The following ARMC2 variants were observed in gnomAD, a reference collection of about 807,000 sequenced individuals.
ARMC2 encodes armadillo repeat-containing protein 2.
A neutral mutation model predicts 90.3 loss-of-function variants in ARMC2; 67 were observed. The observed-to-expected ratio is 0.74, with a 90% CI of 0.61 to 0.91. The LOEUF (loss-of-function observed/expected upper bound fraction) is 0.91. Ranked by LOEUF, ARMC2 falls within the 40% of genes least tolerant of loss-of-function variation. ARMC2 has a pLI of 0.00. For missense variants in ARMC2, 920 were observed against 1,030.9 expected, an observed-to-expected ratio of 0.89 and a Z score of 1.47; for synonymous variants, 393 against 393.0, an observed-to-expected ratio of 1.00 and a Z score of 0.00.
rs955190814 is a variant in ARMC2 at position 108,922,489 on chromosome 6, T to TA, written c.1351-5597dup. Among the ~76,000 whole-genome samples the TA allele has an allele frequency of 1.4e-4, 22 of 152,250 alleles. 1 individual carries two copies. Among genetic ancestry groups the TA allele is most frequent in the African/African-American group, 5.1e-4 (21 of 41,546 alleles). On this transcript the variant is annotated intron_variant, in intron 10 of 17. Transcript: ENST00000392644. ...TGTTTGCTAAGGTTTCTCAATTAAT[T>TA]AATAGTTGAAAACACAATTTGAAAT...
chr6:108,864,389 C>CA (rs1305138086), intron 3 of ARMC2, among the ~76,000 whole-genome samples: 1 of 151,852 alleles, frequency 6.6e-6, no homozygotes, highest in Non-Finnish European at 1.5e-5. Context: ...GCTGGGACTA[C>CA]AGGCGCCCAC....
chr6:109,009,124 G>A, the ARMC2 span: 1 of 705,100 alleles, frequency 1.4e-6, no homozygotes, highest in Non-Finnish European at 2.0e-6. Flanking sequence ...TCTGCCCAGG[G>A]ACGACTCACG....
intron 8 of ARMC2, among the ~76,000 whole-genome samples, chr6:108,908,529 G>A (rs1450165646): frequency 6.6e-6 from 1 of 152,186 alleles, no homozygotes; most frequent in African/African-American, 2.4e-5. Flanking sequence ...GGAGGCTGAG[G>A]TGGGAGGATT....
the ARMC2 span, among the ~76,000 whole-genome samples, chr6:109,032,319 CT>C: frequency 2.0e-5 from 3 of 151,668 alleles, no homozygotes; most frequent in African/African-American, 7.3e-5. Context: ...CGTGCTCCCC[CT>C]GTACATGAAA....
At chr6:108,957,902 A>C (rs12195848) in intron 13 of ARMC2, among the ~76,000 whole-genome samples, 18,843 of 152,136 alleles carry the variant, frequency 0.12, 1,226 homozygotes, top group Middle Eastern at 0.21. Context: ...ACTAGCTCCA[A>C]TGGGAACTCA....
At chr6:108,942,113 C>A (rs1398560066) in intron 12 of ARMC2, among the ~76,000 whole-genome samples, 2 of 152,132 alleles carry the variant, frequency 1.3e-5, no homozygotes, top group Non-Finnish European at 2.9e-5. Flanking sequence ...TCCACTACTG[C>A]GAGTTCCTAA....
chr6:109,005,111 T>G, the ARMC2 span, among the ~76,000 whole-genome samples: 1 of 152,204 alleles, frequency 6.6e-6, no homozygotes, highest in Non-Finnish European at 1.5e-5. Flanking sequence ...TGAAATGCCA[T>G]ACGTAAAAGG....
chr6:108,918,391 T>C (rs1774206481), intron 10 of ARMC2, among the ~76,000 whole-genome samples: 1 of 152,174 alleles, frequency 6.6e-6, no homozygotes, highest in Non-Finnish European at 1.5e-5. Flanking sequence ...GGCCATCTCC[T>C]AGGGCAACAG....
At chr6:108,924,600 T>C (rs964858252) in intron 10 of ARMC2, among the ~76,000 whole-genome samples, 1 of 152,126 alleles carries the variant, frequency 6.6e-6, no homozygotes, top group Non-Finnish European at 1.5e-5. Flanking sequence ...CATGGCGTCA[T>C]GAAGGGTTGA....
chr6:108,947,459 A>G (rs1046388357), intron 12 of ARMC2, among the ~76,000 whole-genome samples: 9 of 152,298 alleles, frequency 5.9e-5, no homozygotes, highest in Admixed American at 2.0e-4. Context: ...CTTTAGGCCA[A>G]TGTCTCTCCC....
At chr6:108,873,850 G>A (rs1776675621) in intron 4 of ARMC2, among the ~76,000 whole-genome samples, 1 of 152,110 alleles carries the variant, frequency 6.6e-6, no homozygotes, top group South Asian at 2.1e-4. Context: ...CTCCTTACCT[G>A]GCTGGGGTCA....
chr6:109,040,879 C>T, the ARMC2 span, among the ~76,000 whole-genome samples: 1 of 151,950 alleles, frequency 6.6e-6, no homozygotes, highest in Non-Finnish European at 1.5e-5. Flanking sequence ...GTCTCAATCT[C>T]CTGACCTCGT....
At chr6:109,048,147 C>T in the ARMC2 span, among the ~76,000 whole-genome samples, 14 of 151,842 alleles carry the variant, frequency 9.2e-5, no homozygotes, top group Admixed American at 3.3e-4. Context: ...TGTCAACATT[C>T]ACTGAAACAG....
chr6:108,969,323 T>C (rs966940683), intron 17 of ARMC2, among the ~76,000 whole-genome samples: 1 of 152,166 alleles, frequency 6.6e-6, no homozygotes, highest in African/African-American at 2.4e-5. Flanking sequence ...TAGGAAATAG[T>C]GTAGTGAGTA....
chr6:108,924,740 G>A (rs1774948769), intron 10 of ARMC2, among the ~76,000 whole-genome samples: 1 of 152,136 alleles, frequency 6.6e-6, no homozygotes, highest in Admixed American at 6.5e-5. Context: ...TGGCTGGGCC[G>A]GAAGTCGCAG....
chr6:108,899,917 A>C, intron 7 of ARMC2, 125 bp downstream of exon 7: 1 of 716,884 alleles, frequency 1.4e-6, no homozygotes, highest in Non-Finnish European at 2.3e-6. Flanking sequence ...TTCTGTGAAC[A>C]TGTTCAAAAA....
At chr6:109,004,016 C>T in the ARMC2 span, among the ~76,000 whole-genome samples, 6 of 151,930 alleles carry the variant, frequency 3.9e-5, no homozygotes, top group African/African-American at 7.3e-5. Flanking sequence ...CTTTAGTATA[C>T]GAAAAGGTGT....
At chr6:109,048,014 T>G in the ARMC2 span, among the ~76,000 whole-genome samples, 2 of 149,398 alleles carry the variant, frequency 1.3e-5, no homozygotes, top group Non-Finnish European at 3.0e-5. Flanking sequence ...CACTTGTTTA[T>G]CTGCTGACCT....
intron 3 of ARMC2, among the ~76,000 whole-genome samples, chr6:108,862,367 A>AC (rs1775355989): frequency 4.0e-5 from 6 of 149,758 alleles, no homozygotes; most frequent in African/African-American, 1.2e-4. Context: ...AACAAAAAAA[A>AC]CAAACAAAAC....
Sources: gnomAD v4.1 joint callset for allele counts (sites outside exome capture counted in the v4.1 genomes callset) on GRCh38, gnomAD v4.1.1 for gene constraint, MANE v1.5 for transcripts, NCBI Gene and HGNC (gene_info 2026-07-23, HGNC 2026-07-21) for gene names.